TXNDC11: variants seen among roughly 807,000 people sequenced by gnomAD.
The protein encoded by TXNDC11 is thioredoxin domain-containing protein 11.
In TXNDC11, 68 loss-of-function variants were observed where a neutral mutation model predicts 78.0. The observed-to-expected ratio is 0.87, with a 90% CI of 0.72 to 1.07. The LOEUF is 1.07. Among genes scored for constraint, TXNDC11 ranks in the 50% least tolerant of loss-of-function variants. TXNDC11 has a pLI of 0.00. For missense variants in TXNDC11, 1,389 were observed against 1,221.8 expected, an observed-to-expected ratio of 1.14 and a Z score of -2.04; for synonymous variants, 571 against 495.2, an observed-to-expected ratio of 1.15 and a Z score of -2.03.
rs79055320 is a variant in TXNDC11, at chr16:11,697,261, G to A, written c.1107+864C>T. On this transcript the variant is annotated intron_variant, in intron 7 of 11. Coordinates refer to ENST00000283033, the MANE Select transcript of TXNDC11 (RefSeq NM_015914.7). ...GGGATCCACCTGGGCGAGAAGTCCTGCCTCCCTGTCCCTCCAGGCAGGAGG... is the reference window on the plus strand; with the variant it reads ...GGGATCCACCTGGGCGAGAAGTCCTACCTCCCTGTCCCTCCAGGCAGGAGG... 5.1e-4 allele frequency among the ~76,000 whole-genome samples: 78 copies of A among 152,280 alleles called. No individual in the cohort carries two copies. The East Asian group carries it at 0.011, about 21-fold the overall frequency.
At chr16:11,741,107 A>G (rs973865083) in intron 1 of TXNDC11, among the ~76,000 whole-genome samples, 1 of 152,232 alleles carries the variant, frequency 6.6e-6, no homozygotes, top group African/African-American at 2.4e-5. Flanking sequence ...GCCAAGACGG[A>G]GAAACCCTGC....
Position 11,698,309 on chromosome 16 carries a change from A to T in TXNDC11, c.923T>A (p.Val308Asp), listed in dbSNP as rs1254997867. 7 of 1,613,494 alleles carry T rather than the reference A, an allele frequency of 4.3e-6. No individual in the cohort carries two copies. Among genetic ancestry groups the T allele is most frequent in the Non-Finnish European group, 5.1e-6 (6 of 1,179,984 alleles). Residue 308 changes from valine (V) to aspartate (D), a missense_variant, in exon 7 of 12, where the codon GTC (valine) becomes GAC (aspartate). Physicochemically the swap from Val to Asp is radical, Grantham distance 152. Coordinates refer to ENST00000283033, the MANE Select transcript of TXNDC11 (RefSeq NM_015914.7). ...FNTSLVFPRE[V>D]LNYTAENICK... Reference sequence around the variant, plus strand: ...GATGTTCTCAGCTGTGTAGTTCAGGACCTCCCTGGGGAAGACCTGTGAAGG... The same window carrying T: ...GATGTTCTCAGCTGTGTAGTTCAGGTCCTCCCTGGGGAAGACCTGTGAAGG...
intron 5 of TXNDC11, among the ~76,000 whole-genome samples, chr16:11,701,119 C>G (rs1366326901): frequency 1.3e-5 from 2 of 149,288 alleles, no homozygotes; most frequent in African/African-American, 4.9e-5. Context: ...TCCTTTGGCC[C>G]AATGTCCTCT....
At position 11,697,774 on chromosome 16, in the gene TXNDC11, T is replaced by C. The variant is rs2050897631; in HGVS notation, c.1107+351A>G. ...CCACACTAAACTCGGCCTGTGTTCCTGCCACTCCCTGTTTCACCCCCTAAA... is the reference window on the plus strand; with the variant it reads ...CCACACTAAACTCGGCCTGTGTTCCCGCCACTCCCTGTTTCACCCCCTAAA... On this transcript the variant is annotated intron_variant, in intron 7 of 11. Transcript: ENST00000283033. 1.3e-5 allele frequency among the ~76,000 whole-genome samples: 2 copies of C among 152,184 alleles called. 1 individual carries two copies. Among genetic ancestry groups the C allele is most frequent in the South Asian group, 4.1e-4 (2 of 4,824 alleles).
At position 11,742,780 on chromosome 16, in the gene TXNDC11, G is replaced by T; in HGVS notation, c.-50C>A. 7.1e-7 allele frequency: 1 copy of T among 1,411,144 alleles called. No individual in the cohort carries two copies. Among genetic ancestry groups the T allele is most frequent in the Non-Finnish European group, 9.2e-7 (1 of 1,088,616 alleles). The allele number at this position is 1,411,144 out of a possible 1,614,324, so 87.4% of individuals were successfully genotyped here. A position where few individuals can be genotyped will look rare whatever the true frequency, so the allele number is the denominator to read the frequency against. On this transcript the variant is annotated 5_prime_UTR_variant, in exon 1 of 12. Transcript: ENST00000283033. ...ATACCGCCGCCGCCGCCTCGGGCCC[G>T]AAGGCCCGGCCCGGCCCGTTGCTCC... is the stretch of plus-strand genomic sequence containing the variant.
At chr16:11,693,858 G>C (rs11648550) in intron 7 of TXNDC11, among the ~76,000 whole-genome samples, 81,438 of 151,936 alleles carry the variant, frequency 0.54, 22,703 homozygotes, top group African/African-American at 0.68. Context: ...TACTGTTTTA[G>C]ATTCAAAGAC....
chr16:11,726,587 A>G (rs913756477), intron 4 of TXNDC11, among the ~76,000 whole-genome samples: 2 of 151,670 alleles, frequency 1.3e-5, no homozygotes, highest in Non-Finnish European at 2.9e-5. Context: ...CTCAAAAAAA[A>G]AAAAAAAAAA....
At position 11,742,829 on chromosome 16, in the gene TXNDC11, C is replaced by G; in HGVS notation, c.-99G>C. The G allele has an allele frequency of 3.7e-6, 5 of 1,360,376 alleles. No homozygotes were observed. The highest frequency in any genetic ancestry group is 4.7e-6 in the Non-Finnish European group (5 of 1,061,714). The allele number at this position is 1,360,376 out of a possible 1,614,324, so 84.3% of individuals were successfully genotyped here. A position where few individuals can be genotyped will look rare whatever the true frequency, so the allele number is the denominator to read the frequency against. ...CCCCAATCCCGCAGCTCGCCGCACC[C>G]GCTAACCCGGACGCTCCACGTCAGC... is the stretch of plus-strand genomic sequence containing the variant. On this transcript the variant is annotated 5_prime_UTR_variant, in exon 1 of 12. Coordinates refer to ENST00000283033, the MANE Select transcript of TXNDC11 (RefSeq NM_015914.7).
Position 11,679,563 on chromosome 16 carries a change from G to T in TXNDC11, c.2509C>A (p.Arg837=). 6.2e-7 allele frequency: 1 copy of T among 1,613,846 alleles called. No homozygotes were observed. Among genetic ancestry groups the T allele is most frequent in the Non-Finnish European group, 8.5e-7 (1 of 1,180,030 alleles). Residue 837 remains arginine (R), a synonymous_variant, in exon 12 of 12, where the codon CGG becomes AGG. Transcript: ENST00000283033. The surrounding 1 kb of genome is among the most constrained non-coding windows in gnomAD (Gnocchi z 4.6). ...AGGGCCCGCTGCTGCTGCCGCAGCC[G>T]GTGCTCATCTCTGCGGGCACTGGAG... is the stretch of plus-strand genomic sequence containing the variant. ...QLSSARRDEH[R]LRQQQRALEE... is the part of the protein sequence containing the mutation.
intron 5 of TXNDC11, among the ~76,000 whole-genome samples, chr16:11,719,879 G>C (rs1237632924): frequency 1.3e-5 from 2 of 152,220 alleles, no homozygotes; most frequent in Non-Finnish European, 2.9e-5. Context: ...AATTGTGGAA[G>C]CGATATTTGG....
chr16:11,724,792 C>G (rs930616656), intron 4 of TXNDC11, among the ~76,000 whole-genome samples: 2 of 152,146 alleles, frequency 1.3e-5, no homozygotes, highest in East Asian at 1.9e-4. Context: ...GTCGCCAAGG[C>G]TGGCGTGCAG....
intron 11 of TXNDC11, among the ~76,000 whole-genome samples, chr16:11,683,351 C>A (rs932816399): frequency 6.6e-5 from 10 of 152,102 alleles, no homozygotes; most frequent in African/African-American, 2.4e-4. Context: ...GCAGTCTGCA[C>A]GCATGGGAGA....
At chr16:11,691,261 T>A (rs2050705158) in intron 8 of TXNDC11, 29 bp downstream of exon 8, 2 of 1,575,472 alleles carry the variant, frequency 1.3e-6, no homozygotes, top group Non-Finnish European at 8.6e-7. Flanking sequence ...AAATGTACAA[T>A]GCTTGGGGAA....
intron 8 of TXNDC11, among the ~76,000 whole-genome samples, chr16:11,689,449 A>G (rs1205670726): frequency 6.6e-6 from 1 of 152,230 alleles, no homozygotes; most frequent in Non-Finnish European, 1.5e-5. Flanking sequence ...ATCTGAATAA[A>G]GCCTAAATTC....
At position 11,698,833 on chromosome 16, in the gene TXNDC11, G is replaced by A. The variant is rs1198831761; in HGVS notation, c.907-508C>T. On this transcript the variant is annotated intron_variant, in intron 6 of 11. Coordinates refer to ENST00000283033, the MANE Select transcript of TXNDC11 (RefSeq NM_015914.7). ...TCACCTGTATCCTCCGGGCCTAGAC[G>A]AACACCAGGCACACAGCAGGAACTC... Among the ~76,000 whole-genome samples the A allele has an allele frequency of 2.6e-5, 4 of 152,150 alleles. No homozygotes were observed. The East Asian group carries it at 7.7e-4, about 29-fold the overall frequency.
At chr16:11,724,093 G>C (rs567949152) in intron 4 of TXNDC11, among the ~76,000 whole-genome samples, 217 of 152,172 alleles carry the variant, frequency 1.4e-3, no homozygotes, top group African/African-American at 4.9e-3. Context: ...ATCACCCTTG[G>C]CCAGCCTGGT....
At chr16:11,700,889 T>C (rs1322346913) in intron 5 of TXNDC11, among the ~76,000 whole-genome samples, 2 of 152,178 alleles carry the variant, frequency 1.3e-5, no homozygotes, top group African/African-American at 4.8e-5. Context: ...TCTCTTTGTC[T>C]GGACACTTCT....
intron 2 of TXNDC11, among the ~76,000 whole-genome samples, chr16:11,735,100 C>G (rs1339214998): frequency 6.6e-6 from 1 of 152,176 alleles, no homozygotes; most frequent in African/African-American, 2.4e-5. Flanking sequence ...TTTGTGTTCA[C>G]TGAATTTTTC....
At chr16:11,683,129 C>T (rs2050471525) in intron 11 of TXNDC11, among the ~76,000 whole-genome samples, 1 of 152,206 alleles carries the variant, frequency 6.6e-6, no homozygotes, top group Non-Finnish European at 1.5e-5. Context: ...AGGGAGCAAA[C>T]ATCCAGTGTA....
Sources: gnomAD v4.1 joint callset for allele counts (sites outside exome capture counted in the v4.1 genomes callset) on GRCh38, gnomAD v4.1.1 for gene constraint, Gnocchi (gnomAD v3.1) non-coding constraint, MANE v1.5 for transcripts, NCBI Gene and HGNC (gene_info 2026-07-23, HGNC 2026-07-21) for gene names.